The following LARGE1 variants were observed in gnomAD, a reference collection of about 807,000 sequenced individuals.
LARGE1 encodes xylosyl- and glucuronyltransferase LARGE1.
In LARGE1, 43 loss-of-function variants were observed where a neutral mutation model predicts 87.6. That is an observed-to-expected ratio of 0.49 (90% confidence interval 0.38 to 0.63). LARGE1 has a LOEUF of 0.63. Among genes scored for constraint, LARGE1 ranks in the 30% least tolerant of loss-of-function variants. The probability of loss-of-function intolerance (pLI) is 0.00; values close to 1 mark genes in which losing one functional copy is unlikely to be tolerated. For synonymous variants in LARGE1, 434 were observed against 394.6 expected, an observed-to-expected ratio of 1.10 and a Z score of -1.18; for missense variants, 802 against 1,000.2, an observed-to-expected ratio of 0.80 and a Z score of 2.67.
chr22:33,333,186 T>C (rs1045638845), intron 10 of LARGE1, among the ~76,000 whole-genome samples: 4 of 151,990 alleles, frequency 2.6e-5, no homozygotes, highest in Admixed American at 2.0e-4. Flanking sequence ...AGCTCGGCTA[T>C]TTTTTTGTAT....
intron 11 of LARGE1, among the ~76,000 whole-genome samples, chr22:33,308,511 G>A (rs1394221508): frequency 6.6e-6 from 1 of 152,170 alleles, no homozygotes; most frequent in East Asian, 1.9e-4. Flanking sequence ...GCTATCAATC[G>A]TCCCTTTGCC....
Position 33,728,551 on chromosome 22 carries a change from CAAAAAAAAAA to C in LARGE1, c.106+32810_106+32819del, listed in dbSNP as rs57790780. 1.6e-4 allele frequency among the ~76,000 whole-genome samples: 6 copies of C among 37,472 alleles called. 1 individual carries two copies. Among genetic ancestry groups the C allele is most frequent in the Middle Eastern group, 0.037 (2 of 54 alleles). The allele number at this position is 37,472 out of a possible 152,430, so 24.6% of individuals were successfully genotyped here. On this transcript the variant is annotated intron_variant, in intron 2 of 14. Coordinates refer to ENST00000397394, the MANE Select transcript of LARGE1 (RefSeq NM_133642.5). ...GAGACTCCGTCTCCACCCCTACCACCAAAAAAAAAAAAAAAAAAAAAAAAAAAACCAACAA... is the reference window on the plus strand; with the variant it reads ...GAGACTCCGTCTCCACCCCTACCACCAAAAAAAAAAAAAAAAAACCAACAA...
At chr22:33,469,456 T>C (rs1415955355) in intron 6 of LARGE1, among the ~76,000 whole-genome samples, 1 of 152,210 alleles carries the variant, frequency 6.6e-6, no homozygotes, top group East Asian at 1.9e-4. Context: ...CTCCAATAAG[T>C]GAAAACCAAA....
At chr22:33,770,025 AT>A (rs1283444808) in intron 1 of LARGE1, among the ~76,000 whole-genome samples, 3 of 152,246 alleles carry the variant, frequency 2.0e-5, no homozygotes, top group African/African-American at 7.2e-5. Context: ...ATCAACAAAA[AT>A]AATCTGTATG....
intron 2 of LARGE1, among the ~76,000 whole-genome samples, chr22:33,730,299 T>C (rs2083420074): frequency 6.6e-6 from 1 of 152,246 alleles, no homozygotes. Flanking sequence ...GTATATAATA[T>C]ATAACATACA....
chr22:33,643,140 A>T (rs1303362091), intron 3 of LARGE1, among the ~76,000 whole-genome samples: 1 of 152,138 alleles, frequency 6.6e-6, no homozygotes, highest in East Asian at 1.9e-4. Context: ...CGACCACATA[A>T]TTGGAAATAA....
rs538729341 is a variant in LARGE1 at position 33,601,049 on chromosome 22, G to A, written c.615+3386C>T. On this transcript the variant is annotated intron_variant, in intron 5 of 14. Transcript: ENST00000397394. ...CACGCCACTGCACTCCAGCCTGGGC[G>A]ACAGAGCAAGACTCTGTCTGCAAAA... Among the ~76,000 whole-genome samples, 23 of 152,210 alleles carry A rather than the reference G, an allele frequency of 1.5e-4. No homozygotes were observed. In the South Asian group the frequency reaches 1.9e-3, roughly 12 times the overall value.
At chr22:33,322,099 A>C (rs552168249) in intron 10 of LARGE1, among the ~76,000 whole-genome samples, 1 of 152,300 alleles carries the variant, frequency 6.6e-6, no homozygotes, top group Admixed American at 6.5e-5. Flanking sequence ...GATTACGGGC[A>C]TGAGCTACTG....
At chr22:33,671,579 G>A (rs1165069304) in intron 2 of LARGE1, among the ~76,000 whole-genome samples, 4 of 152,112 alleles carry the variant, frequency 2.6e-5, no homozygotes, top group East Asian at 3.9e-4. Flanking sequence ...AGCTAGAACC[G>A]TTCATTCTCT....
At chr22:33,699,028 G>A (rs1362993273) in intron 2 of LARGE1, among the ~76,000 whole-genome samples, 1 of 152,204 alleles carries the variant, frequency 6.6e-6, no homozygotes, top group African/African-American at 2.4e-5. Flanking sequence ...AAGTTTGACA[G>A]AGACTCGGGG....
intron 5 of LARGE1, among the ~76,000 whole-genome samples, chr22:33,582,962 G>A (rs1002734038): frequency 2.6e-5 from 4 of 152,192 alleles, no homozygotes; most frequent in South Asian, 2.1e-4. Context: ...TGCCCCCTGC[G>A]GATACTGTAC....
chr22:33,551,108 G>A (rs952856854), intron 6 of LARGE1, among the ~76,000 whole-genome samples: 7 of 152,224 alleles, frequency 4.6e-5, no homozygotes, highest in Admixed American at 6.5e-5. Flanking sequence ...TGCATTATTC[G>A]TATAATAGAT....
At chr22:33,423,207 C>T (rs972637439) in intron 7 of LARGE1, among the ~76,000 whole-genome samples, 1 of 152,100 alleles carries the variant, frequency 6.6e-6, no homozygotes, top group Non-Finnish European at 1.5e-5. Flanking sequence ...GTAGGCGTCA[C>T]AGTGAAGACA....
At chr22:33,877,700 A>T (rs2064510970) in intron 1 of LARGE1, among the ~76,000 whole-genome samples, 1 of 151,928 alleles carries the variant, frequency 6.6e-6, no homozygotes. Flanking sequence ...AGGTGGGGGG[A>T]TCACTTGAGG....
intron 2 of LARGE1, among the ~76,000 whole-genome samples, chr22:33,683,005 C>A (rs983024474): frequency 2.0e-5 from 3 of 152,202 alleles, no homozygotes; most frequent in Non-Finnish European, 4.4e-5. Context: ...GTAACATATA[C>A]TGATGGTCTC....
At chr22:33,653,539 T>C (rs1364340958) in intron 2 of LARGE1, among the ~76,000 whole-genome samples, 2 of 152,176 alleles carry the variant, frequency 1.3e-5, no homozygotes, top group Non-Finnish European at 2.9e-5. Context: ...TTGGAGGAGT[T>C]ACATCAGTGC....
chr22:33,564,990 A>T lies in LARGE1; in HGVS notation c.645T>A (p.His215Gln). ...KSEVSWIPNK[H>Q]YSGIYGLMKL... ...TCATCAGACCATAAATCCCAGAGTA[A>T]TGTTTATTGGGGATCCAGGAAACTT... The change falls in exon 6 of 15, where the codon CAT becomes CAA. Residue 215 changes from histidine to glutamine, a missense_variant. Transcript: ENST00000397394. 6.2e-7 allele frequency: 1 copy of T among 1,614,178 alleles called. No homozygotes were observed. The highest frequency in any genetic ancestry group is 8.5e-7 in the Non-Finnish European group (1 of 1,180,016).
chr22:33,614,324 G>T (rs1219992484), intron 4 of LARGE1, among the ~76,000 whole-genome samples: 1 of 152,080 alleles, frequency 6.6e-6, no homozygotes, highest in Non-Finnish European at 1.5e-5. Flanking sequence ...GACATCTCAT[G>T]AAAATATTCA....
chr22:33,902,481 G>A (rs556828465), intron 1 of LARGE1, among the ~76,000 whole-genome samples: 1 of 152,176 alleles, frequency 6.6e-6, no homozygotes, highest in African/African-American at 2.4e-5. Context: ...CTAGGGAGGT[G>A]AAAGGTCCAG....
Sources: gnomAD v4.1 joint callset for allele counts (sites outside exome capture counted in the v4.1 genomes callset) on GRCh38, gnomAD v4.1.1 for gene constraint, MANE v1.5 for transcripts, NCBI Gene and HGNC (gene_info 2026-07-23, HGNC 2026-07-21) for gene names.